The following WWOX variants were observed in gnomAD, a reference collection of about 807,000 sequenced individuals.
The protein encoded by WWOX is WW domain-containing oxidoreductase.
WWOX carries 69 observed loss-of-function variants against 46.2 expected under a neutral mutation model. The ratio of observed to expected loss-of-function variants is 1.49; its 90% confidence interval spans 1.23 to 1.82. The LOEUF is 1.82. WWOX is among the 40% of genes most tolerant of loss of function. WWOX has a pLI of 0.00. For synonymous variants in WWOX, 359 were observed against 202.6 expected (o/e 1.77, Z -6.56); for missense variants, 919 against 542.6 (o/e 1.69, Z -6.89).
At chr16:78,836,000 G>T (rs995908011) in intron 8 of WWOX, among the ~76,000 whole-genome samples, 2 of 152,066 alleles carry the variant, frequency 1.3e-5, no homozygotes, top group Admixed American at 6.5e-5. Flanking sequence ...CGTTATTCTT[G>T]TTCCCTTCAA....
intron 8 of WWOX, among the ~76,000 whole-genome samples, chr16:78,807,125 T>C (rs561056852): frequency 1.0e-3 from 152 of 152,358 alleles, no homozygotes; most frequent in Non-Finnish European, 1.6e-3. Context: ...GGTGGGTCCA[T>C]GTATTGAATT....
intron 8 of WWOX, chr16:79,077,433 C>G (rs1201180344): frequency 2.6e-5 from 4 of 152,230 alleles, no homozygotes; most frequent in East Asian, 3.9e-4. Flanking sequence ...AATGGTATTT[C>G]TGAGTGGAAG....
At position 78,805,860 on chromosome 16, in the gene WWOX, T is replaced by G. The variant is rs147873765; in HGVS notation, c.1056+373108T>G. On this transcript the variant is annotated intron_variant, in intron 8 of 8. Coordinates refer to ENST00000566780, the MANE Select transcript of WWOX (RefSeq NM_016373.4). ...CCAAGATCTGCGAATATAGAAAGAT[T>G]AAGAGTTTTTTTCTGCCTTGTTGGG... 1.4e-3 allele frequency among the ~76,000 whole-genome samples: 214 copies of G among 152,306 alleles called. 1 individual carries two copies. In the East Asian group the frequency reaches 0.021, roughly 15 times the overall value.
intron 8 of WWOX, among the ~76,000 whole-genome samples, chr16:78,655,056 G>C (rs1314608428): frequency 6.6e-6 from 1 of 152,072 alleles, no homozygotes; most frequent in African/African-American, 2.4e-5. Flanking sequence ...CTTTCCCCAA[G>C]TCTTCTGTGA....
intron 8 of WWOX, among the ~76,000 whole-genome samples, chr16:78,954,176 AGATGGATG>A (rs1027288728): frequency 6.6e-6 from 1 of 152,144 alleles, no homozygotes; most frequent in African/African-American, 2.4e-5. Context: ...CATATTCTTT[AGATGGATG>A]GGTGGATGGA....
intron 5 of WWOX, among the ~76,000 whole-genome samples, chr16:78,224,090 G>A (rs1446708851): frequency 1.3e-5 from 2 of 152,002 alleles, no homozygotes; most frequent in Non-Finnish European, 2.9e-5. Flanking sequence ...TGCAAGCTCC[G>A]TCTCCTGGGT....
chr16:79,118,354 C>T (rs1262419122), intron 8 of WWOX, among the ~76,000 whole-genome samples: 1 of 152,016 alleles, frequency 6.6e-6, no homozygotes, highest in African/African-American at 2.4e-5. Context: ...GTTTGTGGTG[C>T]CCCAAAAAAT....
intron 3 of WWOX, among the ~76,000 whole-genome samples, chr16:78,113,246 G>T (rs915853364): frequency 1.3e-5 from 2 of 152,140 alleles, no homozygotes; most frequent in African/African-American, 4.8e-5. Flanking sequence ...TGCAATCTGC[G>T]CTCTAATAGT....
At position 78,148,897 on chromosome 16, in the gene WWOX, CAAAAAAAAAAAAAAAA is replaced by C. The variant is rs34225165; in HGVS notation, c.410-15273_410-15258del. ...TGGGCGACAGAGCAAGACTCCGTCT[CAAAAAAAAAAAAAAAA>C]AAAAAAAAAAAAGTGCCATGTATAT... is the stretch of plus-strand genomic sequence containing the variant. On this transcript the variant is annotated intron_variant, in intron 4 of 8. Coordinates refer to ENST00000566780, the MANE Select transcript of WWOX (RefSeq NM_016373.4). Among the ~76,000 whole-genome samples the C allele has an allele frequency of 4.5e-4, 24 of 53,236 alleles. 2 individuals are homozygous for C. In the East Asian group the frequency reaches 0.015, roughly 33 times the overall value. 34.9% of individuals were successfully genotyped at this position (53,236 alleles called of 152,430 possible). A position where few individuals can be genotyped will look rare whatever the true frequency, so the allele number is the denominator to read the frequency against.
chr16:78,619,708 C>T (rs1347875236), intron 8 of WWOX, among the ~76,000 whole-genome samples: 1 of 151,858 alleles, frequency 6.6e-6, no homozygotes, highest in Non-Finnish European at 1.5e-5. Context: ...AATTGGAGAC[C>T]AGCCTGGGCA....
chr16:78,195,723 G>A (rs1281066233), intron 5 of WWOX, among the ~76,000 whole-genome samples: 2 of 150,488 alleles, frequency 1.3e-5, no homozygotes, highest in Non-Finnish European at 2.9e-5. Context: ...TTGGGAGGCT[G>A]AGGCAGGAGA....
rs185329036 is a variant in WWOX, at chr16:78,274,244, C to T, written c.516+109955C>T. ...CCTCCAATCCCTTCATGTCCAGCTC[C>T]TGCTCATCCTTTGAAACCCACTGGA... On this transcript the variant is annotated intron_variant, in intron 5 of 8. Transcript: ENST00000566780. Among the ~76,000 whole-genome samples the T allele has an allele frequency of 6.6e-5, 10 of 152,306 alleles. No homozygotes were observed. The East Asian group carries it at 1.9e-3, about 29-fold the overall frequency.
intron 5 of WWOX, among the ~76,000 whole-genome samples, chr16:78,246,896 A>G (rs1329832715): frequency 6.6e-6 from 1 of 151,832 alleles, no homozygotes; most frequent in Admixed American, 6.6e-5. Flanking sequence ...AAATCCTTGG[A>G]CCCCAGAGTG....
chr16:78,313,990 G>T (rs1895680594), intron 5 of WWOX, among the ~76,000 whole-genome samples: 2 of 152,172 alleles, frequency 1.3e-5, no homozygotes, highest in Non-Finnish European at 1.5e-5. Flanking sequence ...AATCCTGGCT[G>T]TTCCGCTTTC....
chr16:78,665,429 C>T (rs1597414553), intron 8 of WWOX, among the ~76,000 whole-genome samples: 3 of 152,060 alleles, frequency 2.0e-5, no homozygotes, highest in South Asian at 2.1e-4. Flanking sequence ...TTTCCCTCTC[C>T]ATCTGGGCAC....
intron 8 of WWOX, among the ~76,000 whole-genome samples, chr16:78,700,017 G>C (rs1195093345): frequency 1.3e-5 from 2 of 152,012 alleles, no homozygotes; most frequent in African/African-American, 2.4e-5. Flanking sequence ...GTCCTGCGGT[G>C]GGTGGATACT....
intron 5 of WWOX, among the ~76,000 whole-genome samples, chr16:78,237,156 A>T (rs2037469543): frequency 6.6e-6 from 1 of 151,498 alleles, no homozygotes; most frequent in African/African-American, 2.4e-5. Context: ...TGCAGGAATG[A>T]TTCAAAGTCT....
At chr16:78,865,424 G>C (rs1049267330) in intron 8 of WWOX, among the ~76,000 whole-genome samples, 2 of 152,184 alleles carry the variant, frequency 1.3e-5, no homozygotes, top group African/African-American at 4.8e-5. Flanking sequence ...AGTGGACTTT[G>C]ATTCACATCA....
At chr16:78,227,831 G>A (rs528276183) in intron 5 of WWOX, among the ~76,000 whole-genome samples, 9 of 152,204 alleles carry the variant, frequency 5.9e-5, no homozygotes, top group Non-Finnish European at 8.8e-5. Flanking sequence ...GAGTCGAGTC[G>A]TGTCAGTGCA....
Sources: allele counts gnomAD v4.1 joint callset (sites outside exome capture counted in the v4.1 genomes callset), GRCh38; gene constraint gnomAD v4.1.1; transcripts MANE v1.5; gene names NCBI Gene and HGNC (gene_info 2026-07-23, HGNC 2026-07-21).